Variants in MBNL3 observed in about 807,000 individuals in gnomAD.
The protein encoded by MBNL3 is muscleblind like splicing regulator 3.
In MBNL3, 6 loss-of-function variants were observed where a neutral mutation model predicts 24.5. The ratio of observed to expected loss-of-function variants is 0.25; its 90% CI spans 0.13 to 0.48. The LOEUF (loss-of-function observed/expected upper bound fraction) is 0.48. Ranked by LOEUF, MBNL3 falls within the 20% of genes least tolerant of loss-of-function variation. The pLI, the probability that MBNL3 is intolerant of heterozygous loss-of-function variation, is 0.99. For synonymous variants in MBNL3, 100 were observed against 101.7 expected, an observed-to-expected ratio of 0.98 and a Z score of 0.10; for missense variants, 230 against 293.5, an observed-to-expected ratio of 0.78 and a Z score of 1.58.
intron 2 of MBNL3, among the ~76,000 whole-genome samples, chrX:132,438,752 T>C (rs1945249655): frequency 9.5e-6 from 1 of 104,742 alleles, no homozygotes; most frequent in South Asian, 4.5e-4. Flanking sequence ...TAATCTAGTA[T>C]GTAATACTCA....
At chrX:132,453,382 G>T (rs763551643) in intron 1 of MBNL3, among the ~76,000 whole-genome samples, 5 of 111,672 alleles carry the variant, frequency 4.5e-5, no homozygotes, top group African/African-American at 1.6e-4. Context: ...AAGGTGAAGC[G>T]AAAGTAGATA....
chrX:132,394,002 C>T (rs1330612866), intron 3 of MBNL3, among the ~76,000 whole-genome samples: 1 of 111,638 alleles, frequency 9.0e-6, no homozygotes, highest in Admixed American at 9.6e-5. Context: ...AAGCACTCCC[C>T]CATTAGCATT....
chrX:132,419,266 T>G (rs1049757849), intron 2 of MBNL3, among the ~76,000 whole-genome samples: 5 of 112,051 alleles, frequency 4.5e-5, no homozygotes, highest in Non-Finnish European at 1.9e-5. Context: ...GGCCATGACT[T>G]GACAAAAGTA....
rs1382718196 is a variant in MBNL3, at chrX:132,428,870, C to A, written c.177+10565G>T. ...AGAAAAAGACTTCATTTCAGCTATG[C>A]TACATGAAGAGATTATTTACTAACC... On this transcript the variant is annotated intron_variant, in intron 2 of 8. Transcript: ENST00000370853. Among the ~76,000 whole-genome samples the A allele has an allele frequency of 2.7e-5, 3 of 112,644 alleles. No homozygotes were observed. The East Asian group carries it at 8.3e-4, about 31-fold the overall frequency.
At chrX:132,441,261 T>C (rs1160494351) in intron 1 of MBNL3, among the ~76,000 whole-genome samples, 3 of 112,406 alleles carry the variant, frequency 2.7e-5, no homozygotes, top group Admixed American at 9.4e-5. Flanking sequence ...GGAAGTATAA[T>C]AGTTCTCCTC....
At chrX:132,396,070 ACT>A (rs1491291170) in intron 3 of MBNL3, among the ~76,000 whole-genome samples, 1 of 108,976 alleles carries the variant, frequency 9.2e-6, no homozygotes, top group East Asian at 2.9e-4. Flanking sequence ...ATTATAGGAA[ACT>A]CTTATTCCAG....
intron 2 of MBNL3, among the ~76,000 whole-genome samples, chrX:132,439,193 T>C (rs1945274404): frequency 9.0e-6 from 1 of 111,694 alleles, no homozygotes. Flanking sequence ...AAGTGGTAAG[T>C]GGTCTTTGGT....
At chrX:132,426,192 C>T (rs1363955534) in intron 2 of MBNL3, among the ~76,000 whole-genome samples, 1 of 111,905 alleles carries the variant, frequency 8.9e-6, no homozygotes, top group Non-Finnish European at 1.9e-5. Flanking sequence ...GTACTAGGCA[C>T]AAAAGATATG....
intron 2 of MBNL3, chrX:132,431,416 C>T (rs1944721746): frequency 9.0e-6 from 1 of 111,578 alleles, no homozygotes; most frequent in Admixed American, 9.5e-5. Flanking sequence ...TCAATACTGT[C>T]ATCATTTAGT....
At chrX:132,394,818 C>G in intron 3 of MBNL3, among the ~76,000 whole-genome samples, 1 of 111,354 alleles carries the variant, frequency 9.0e-6, no homozygotes, top group Middle Eastern at 4.6e-3. Context: ...TAGCTAAGTT[C>G]TGCTTTCTTT....
Position 132,372,114 on chromosome X carries a change from C to G in MBNL3, c.*7552G>C, listed in dbSNP as rs1257368941. The G allele has an allele frequency of 1.8e-5, 2 of 110,727 alleles. No individual in the cohort carries two copies. Among genetic ancestry groups the G allele is most frequent in the Non-Finnish European group, 3.8e-5 (2 of 52,774 alleles). 9.1% of individuals were successfully genotyped at this position (110,727 alleles called of 1,213,427 possible). ...ATAAACAAGCACTACAGCACTATAA[C>G]TTGAAAAAAAATCAAAGCGTCTGCA... On this transcript the variant is annotated 3_prime_UTR_variant, in exon 9 of 9. Transcript: ENST00000370853.
chrX:132,437,059 A>G (rs1945152554), intron 2 of MBNL3, among the ~76,000 whole-genome samples: 1 of 111,854 alleles, frequency 8.9e-6, no homozygotes, highest in African/African-American at 3.2e-5. Context: ...TCCAAGCTCT[A>G]AAGTTGTAGT....
intron 5 of MBNL3, among the ~76,000 whole-genome samples, chrX:132,387,051 T>C (rs1936176764): frequency 9.1e-6 from 1 of 109,411 alleles, no homozygotes; most frequent in Non-Finnish European, 1.9e-5. Flanking sequence ...GACCAGCAGA[T>C]TGTTTGAGCT....
chrX:132,383,887 C>T (rs1316358839), intron 7 of MBNL3, among the ~76,000 whole-genome samples: 2 of 111,683 alleles, frequency 1.8e-5, no homozygotes, highest in East Asian at 2.8e-4. Flanking sequence ...GGGTTGGGAT[C>T]ATTTCTCCTT....
intron 3 of MBNL3, among the ~76,000 whole-genome samples, chrX:132,396,997 A>C (rs1484223913): frequency 3.3e-5 from 3 of 91,822 alleles, no homozygotes; most frequent in African/African-American, 1.2e-4. Flanking sequence ...TATGTATATG[A>C]ATTTAGTATT....
intron 2 of MBNL3, among the ~76,000 whole-genome samples, chrX:132,428,515 A>T (rs964872564): frequency 6.1e-5 from 5 of 82,345 alleles, no homozygotes; most frequent in Non-Finnish European, 9.0e-5. Flanking sequence ...ATCAAAAATT[A>T]AAAAAAAAAA....
chrX:132,430,734 A>G (rs979380411), intron 2 of MBNL3: 12 of 111,849 alleles, frequency 1.1e-4, no homozygotes, highest in African/African-American at 3.9e-4. Context: ...TTAAAGTGGC[A>G]TCTGCTGGGT....
intron 1 of MBNL3, among the ~76,000 whole-genome samples, chrX:132,444,607 C>A (rs936246442): frequency 7.2e-5 from 8 of 111,267 alleles, no homozygotes; most frequent in Non-Finnish European, 1.3e-4. Context: ...GGGGAGATTT[C>A]TCTCTGATCC....
In MBNL3 at chrX:132,373,537, T is replaced by C. The variant is rs780753706; in HGVS notation, c.*6129A>G. 2.7e-5 allele frequency: 3 copies of C among 111,823 alleles called. No individual in the cohort carries two copies. Among genetic ancestry groups the C allele is most frequent in the Non-Finnish European group, 3.8e-5 (2 of 53,064 alleles). The allele number at this position is 111,823 out of a possible 1,213,427, so 9.2% of individuals were successfully genotyped here. ...CAACTGTAAGGCTTGGATTGCTTTC[T>C]GGCTTTGGCTTATTTTTCTTTCTCT... On this transcript the variant is annotated 3_prime_UTR_variant, in exon 9 of 9. Coordinates refer to ENST00000370853, the MANE Select transcript of MBNL3 (RefSeq NM_001386889.1).
Sources: gnomAD v4.1 joint callset for allele counts (sites outside exome capture counted in the v4.1 genomes callset) on GRCh38, gnomAD v4.1.1 for gene constraint, MANE v1.5 for transcripts, NCBI Gene and HGNC (gene_info 2026-07-23, HGNC 2026-07-21) for gene names.